ZNG1F: variants seen among roughly 807,000 people sequenced by gnomAD.
The protein encoded by ZNG1F is zinc-regulated GTPase metalloprotein activator 1F.
At chr9:41,155,529 C>T in the ZNG1F span, among the ~76,000 whole-genome samples, 1 of 129,294 alleles carries the variant, frequency 7.7e-6, no homozygotes, top group Non-Finnish European at 1.7e-5. Context: ...GGACTATATG[C>T]ACACGTATGT....
chr9:41,203,082 G>T, the ZNG1F span, among the ~76,000 whole-genome samples: 1 of 152,242 alleles, frequency 6.6e-6, no homozygotes, highest in African/African-American at 2.4e-5. Context: ...TATATTTTTG[G>T]CAGGGATACT....
chr9:41,140,325 G>A, the ZNG1F span, among the ~76,000 whole-genome samples: 158 of 24,268 alleles, frequency 6.5e-3, no homozygotes, highest in African/African-American at 0.012. Context: ...ACAGTGTATC[G>A]AAATAATAAC....
At chr9:41,166,402 T>A in the ZNG1F span, among the ~76,000 whole-genome samples, 1 of 105,774 alleles carries the variant, frequency 9.5e-6, no homozygotes, top group Non-Finnish European at 1.9e-5. Flanking sequence ...GGTGACAGAG[T>A]GAGATTCTGT....
the ZNG1F span, chr9:41,132,332 G>T: frequency 6.2e-7 from 1 of 1,604,662 alleles, no homozygotes; most frequent in Non-Finnish European, 8.5e-7. Context: ...CACTTGTTGT[G>T]ATTTGTCTTT....
At chr9:41,150,371 T>A in the ZNG1F span, among the ~76,000 whole-genome samples, 1 of 148,462 alleles carries the variant, frequency 6.7e-6, no homozygotes, top group Non-Finnish European at 1.5e-5. Context: ...GAGATCAAAC[T>A]GCAAGGCGGC....
the ZNG1F span, among the ~76,000 whole-genome samples, chr9:41,166,329 T>A: frequency 5.7e-5 from 7 of 123,576 alleles, no homozygotes; most frequent in East Asian, 1.5e-3. Flanking sequence ...CTTGGGAGGC[T>A]GAGGCAGGAG....
At chr9:41,192,618 T>C in the ZNG1F span, among the ~76,000 whole-genome samples, 1 of 116,036 alleles carries the variant, frequency 8.6e-6, no homozygotes, top group East Asian at 2.6e-4. Flanking sequence ...GGATTACAGG[T>C]ATGCACCACC....
chr9:41,201,930 T>G, the ZNG1F span, among the ~76,000 whole-genome samples: 2 of 150,608 alleles, frequency 1.3e-5, no homozygotes, highest in African/African-American at 4.9e-5. Context: ...ATCTGATAGA[T>G]TAAATAAACA....
At chr9:41,147,695 G>A in the ZNG1F span, among the ~76,000 whole-genome samples, 1 of 127,104 alleles carries the variant, frequency 7.9e-6, no homozygotes, top group South Asian at 2.9e-4. Flanking sequence ...AAAAAAAAAA[G>A]AAAGGCAAAT....
the ZNG1F span, among the ~76,000 whole-genome samples, chr9:41,202,279 CTT>C: frequency 8.5e-6 from 1 of 118,182 alleles, no homozygotes; most frequent in Non-Finnish European, 1.9e-5. Context: ...CAGAATCAGA[CTT>C]TGAATTCTAA....
the ZNG1F span, among the ~76,000 whole-genome samples, chr9:41,171,684 G>T: frequency 1.2e-5 from 1 of 80,298 alleles, no homozygotes; most frequent in Non-Finnish European, 2.4e-5. Flanking sequence ...CTGGGAGGTG[G>T]AGGTTGCAGT....
the ZNG1F span, among the ~76,000 whole-genome samples, chr9:41,160,498 C>T: frequency 6.1e-5 from 7 of 114,988 alleles, no homozygotes; most frequent in African/African-American, 1.7e-4. Context: ...TCTCAGCTCA[C>T]TGCAAGCTCC....
At chr9:41,185,144 A>ATT in the ZNG1F span, among the ~76,000 whole-genome samples, 2 of 144,562 alleles carry the variant, frequency 1.4e-5, no homozygotes, top group African/African-American at 5.1e-5. Context: ...GTCTAGAGCT[A>ATT]TTTTTTTTTT....
chr9:41,166,429 A>T, the ZNG1F span, among the ~76,000 whole-genome samples: 1,801 of 41,796 alleles, frequency 0.043, 23 homozygotes, highest in South Asian at 0.084. Context: ...AAATAATAAT[A>T]ATAATTATTA....
At chr9:41,152,331 G>A in the ZNG1F span, among the ~76,000 whole-genome samples, 1 of 149,206 alleles carries the variant, frequency 6.7e-6, no homozygotes, top group Admixed American at 6.8e-5. Context: ...ACCCAATACA[G>A]GAGCACCCAG....
At chr9:41,143,918 T>C in the ZNG1F span, among the ~76,000 whole-genome samples, 32 of 27,884 alleles carry the variant, frequency 1.1e-3, 15 homozygotes, top group African/African-American at 2.3e-3. Context: ...TCTTCCATAA[T>C]AAAATGTTAA....
the ZNG1F span, among the ~76,000 whole-genome samples, chr9:41,171,349 G>A: frequency 9.8e-5 from 3 of 30,496 alleles, no homozygotes; most frequent in Admixed American, 4.0e-4. Context: ...CTATCAACGA[G>A]GGAGAGAAGG....
chr9:41,132,200 T>C, the ZNG1F span: 3 of 1,597,454 alleles, frequency 1.9e-6, 1 homozygote, highest in East Asian at 6.8e-5. Flanking sequence ...TCACTTTGTT[T>C]CAAAACTGTG....
chr9:41,132,254 TCA>T, the ZNG1F span: 5 of 1,604,074 alleles, frequency 3.1e-6, no homozygotes, highest in Non-Finnish European at 4.3e-6. Context: ...ATTTGTTCTC[TCA>T]GTGTCATCCT....
Sources: gnomAD v4.1 joint callset for allele counts (sites outside exome capture counted in the v4.1 genomes callset) on GRCh38, gnomAD v4.1.1 for gene constraint, MANE v1.5 for transcripts, NCBI Gene and HGNC (gene_info 2026-07-23, HGNC 2026-07-21) for gene names.